MARCHF1: variants seen among roughly 807,000 people sequenced by gnomAD.
MARCHF1 encodes membrane associated ring-CH-type finger 1.
In MARCHF1, 40 loss-of-function variants were observed where a neutral mutation model predicts 54.2. The observed-to-expected ratio is 0.74, with a 90% CI of 0.57 to 0.96. The LOEUF is 0.96. MARCHF1 is among the 40% of genes least tolerant of loss of function. The probability of loss-of-function intolerance (pLI) is 0.00; values close to 1 mark genes in which losing one functional copy is unlikely to be tolerated. For missense variants in MARCHF1, 586 were observed against 656.5 expected, an observed-to-expected ratio of 0.89 and a Z score of 1.17; for synonymous variants, 236 against 236.3, an observed-to-expected ratio of 1.00 and a Z score of 0.01.
intron 1 of MARCHF1, among the ~76,000 whole-genome samples, chr4:164,332,105 C>T (rs77960927): frequency 0.015 from 2,349 of 152,106 alleles, 62 homozygotes; most frequent in African/African-American, 0.052. Context: ...AAAGTTAAGA[C>T]CAGAAAATAA....
intron 1 of MARCHF1, among the ~76,000 whole-genome samples, chr4:164,338,912 C>T (rs1292164136): frequency 6.6e-6 from 1 of 152,046 alleles, no homozygotes; most frequent in Non-Finnish European, 1.5e-5. Flanking sequence ...GCGGAGATTG[C>T]AGTGAGCCAA....
chr4:164,043,111 T>A (rs1754163543), intron 2 of MARCHF1, among the ~76,000 whole-genome samples: 1 of 152,128 alleles, frequency 6.6e-6, no homozygotes, highest in South Asian at 2.1e-4. Context: ...TGGATCTACC[T>A]TTCTGGGGTA....
chr4:163,623,176 T>A (rs1741746615), intron 5 of MARCHF1, among the ~76,000 whole-genome samples: 1 of 152,178 alleles, frequency 6.6e-6, no homozygotes, highest in South Asian at 2.1e-4. Flanking sequence ...CAGCGCAGAC[T>A]GAAGCACTAG....
intron 3 of MARCHF1, among the ~76,000 whole-genome samples, chr4:163,977,657 T>C (rs1752676077): frequency 1.3e-5 from 2 of 152,194 alleles, no homozygotes; most frequent in Non-Finnish European, 2.9e-5. Flanking sequence ...CAGATAAATG[T>C]TGTTAGTACA....
intron 2 of MARCHF1, among the ~76,000 whole-genome samples, chr4:164,002,726 C>A (rs748391624): frequency 6.6e-6 from 1 of 151,750 alleles, no homozygotes; most frequent in Non-Finnish European, 1.5e-5. Context: ...AAATCCCAAA[C>A]TTAAGAAACA....
intron 3 of MARCHF1, among the ~76,000 whole-genome samples, chr4:163,883,039 A>G (rs1750450688): frequency 6.6e-6 from 1 of 152,146 alleles, no homozygotes; most frequent in Non-Finnish European, 1.5e-5. Flanking sequence ...TATATGTAAG[A>G]GCACCTAGGA....
intron 1 of MARCHF1, among the ~76,000 whole-genome samples, chr4:164,249,124 C>G (rs533515566): frequency 1.3e-5 from 2 of 151,830 alleles, no homozygotes; most frequent in Non-Finnish European, 2.9e-5. Context: ...TTTACAATCC[C>G]GGGGTAGATA....
Position 163,565,444 on chromosome 4 carries a change from T to C in MARCHF1, c.1192-19701A>G, listed in dbSNP as rs180811235. 3.9e-4 allele frequency among the ~76,000 whole-genome samples: 59 copies of C among 152,326 alleles called. 1 individual carries two copies. Among genetic ancestry groups the C allele is most frequent in the Admixed American group, 3.7e-3 (56 of 15,302 alleles). ...GGTTGCCTTGACAACGTGGGTTAGT[T>C]GCATCAAGAAATCCATGGCAATACA... On this transcript the variant is annotated intron_variant, in intron 8 of 9. Coordinates refer to ENST00000514618, the MANE Select transcript of MARCHF1 (RefSeq NM_001394959.1).
chr4:164,296,723 CA>C (rs905491645), intron 1 of MARCHF1, among the ~76,000 whole-genome samples: 2 of 152,104 alleles, frequency 1.3e-5, no homozygotes, highest in African/African-American at 4.8e-5. Context: ...CTGTCATCCT[CA>C]GATCCCACAT....
At chr4:164,340,687 T>G (rs1374572459) in intron 1 of MARCHF1, among the ~76,000 whole-genome samples, 1 of 151,734 alleles carries the variant, frequency 6.6e-6, no homozygotes, top group Non-Finnish European at 1.5e-5. Context: ...CCTTTCAAAG[T>G]GCTGGCATTA....
At chr4:163,879,849 A>C (rs912691615) in intron 3 of MARCHF1, among the ~76,000 whole-genome samples, 2 of 144,926 alleles carry the variant, frequency 1.4e-5, no homozygotes, top group Non-Finnish European at 3.1e-5. Flanking sequence ...TTTATAATCC[A>C]AAGTTAAGGG....
rs774951764 is a variant in MARCHF1 at position 163,793,252 on chromosome 4, A to G, written c.111+60769T>C. Among the ~76,000 whole-genome samples the G allele has an allele frequency of 5.9e-5, 9 of 152,324 alleles. No homozygotes were observed. The South Asian group carries it at 1.0e-3, about 18-fold the overall frequency. ...ATCCTACTATTCTCTCTAGTTAGGT[A>G]GTAACAGGAATATGTTTTACCTACT... On this transcript the variant is annotated intron_variant, in intron 4 of 9. Transcript: ENST00000514618.
chr4:164,014,247 T>C (rs910837516), intron 2 of MARCHF1, among the ~76,000 whole-genome samples: 1 of 148,710 alleles, frequency 6.7e-6, no homozygotes. Flanking sequence ...GAGGACAGGG[T>C]GGAATAAAAA....
At chr4:163,899,763 T>TACACAC (rs70948674) in intron 3 of MARCHF1, among the ~76,000 whole-genome samples, 11,732 of 148,748 alleles carry the variant, frequency 0.079, 497 homozygotes, top group Non-Finnish European at 0.098. Context: ...TCTCACCCAC[T>TACACAC]ACACACACAC....
intron 3 of MARCHF1, among the ~76,000 whole-genome samples, chr4:163,940,217 TG>T (rs756490992): frequency 6.6e-6 from 1 of 152,294 alleles, no homozygotes; most frequent in Admixed American, 6.5e-5. Context: ...AAATTTCTGT[TG>T]TTTAGCCACT....
At chr4:164,097,869 C>T (rs1189753696) in intron 2 of MARCHF1, among the ~76,000 whole-genome samples, 1 of 152,126 alleles carries the variant, frequency 6.6e-6, no homozygotes, top group Non-Finnish European at 1.5e-5. Flanking sequence ...GCAGGGTGAA[C>T]CAGTGCCTCT....
chr4:164,279,050 A>AT (rs1733957620), intron 1 of MARCHF1, among the ~76,000 whole-genome samples: 1 of 151,950 alleles, frequency 6.6e-6, no homozygotes, highest in Non-Finnish European at 1.5e-5. Context: ...ATTAGTATAC[A>AT]TTTTAAATGA....
intron 3 of MARCHF1, among the ~76,000 whole-genome samples, chr4:163,971,484 G>C (rs1752545979): frequency 6.6e-6 from 1 of 152,162 alleles, no homozygotes; most frequent in South Asian, 2.1e-4. Flanking sequence ...AGTCATGTTA[G>C]ATTTGCTAGT....
chr4:163,654,992 G>A (rs1351345361), intron 5 of MARCHF1, among the ~76,000 whole-genome samples: 4 of 150,880 alleles, frequency 2.7e-5, no homozygotes, highest in Admixed American at 2.0e-4. Context: ...CTACTATCTT[G>A]TTCAAATTTA....
Sources: gnomAD v4.1 joint callset for allele counts (sites outside exome capture counted in the v4.1 genomes callset) on GRCh38, gnomAD v4.1.1 for gene constraint, MANE v1.5 for transcripts, NCBI Gene and HGNC (gene_info 2026-07-23, HGNC 2026-07-21) for gene names.